The following GPC6 variants were observed in gnomAD, a reference collection of about 807,000 sequenced individuals.
GPC6 encodes the protein glypican-6.
A neutral mutation model predicts 55.2 loss-of-function variants in GPC6; 14 were observed. The observed-to-expected ratio is 0.25, with a 90% confidence interval of 0.17 to 0.40. The LOEUF is 0.40. GPC6 is among the 10% of genes least tolerant of loss of function. The pLI is 1.00. For synonymous variants in GPC6, 278 were observed against 259.6 expected (o/e 1.07, Z -0.68); for missense variants, 641 against 708.5 (o/e 0.90, Z 1.08).
intron 4 of GPC6, among the ~76,000 whole-genome samples, chr13:94,109,953 T>C (rs1179609187): frequency 6.6e-6 from 1 of 151,358 alleles, no homozygotes; most frequent in Non-Finnish European, 1.5e-5. Flanking sequence ...TTGATGGATA[T>C]ATTGGGACCT....
intron 5 of GPC6, among the ~76,000 whole-genome samples, chr13:94,303,876 C>T (rs1157141937): frequency 6.6e-6 from 1 of 151,650 alleles, no homozygotes. Flanking sequence ...TTTGATTTAA[C>T]TTAACCCAGT....
intron 1 of GPC6, among the ~76,000 whole-genome samples, chr13:93,235,952 T>A (rs996416975): frequency 1.6e-4 from 24 of 152,132 alleles, no homozygotes; most frequent in Admixed American, 1.1e-3. Context: ...CACCTCCAAA[T>A]AAACACAAGA....
chr13:93,266,406 A>G (rs1877327186), intron 1 of GPC6, among the ~76,000 whole-genome samples: 1 of 152,226 alleles, frequency 6.6e-6, no homozygotes, highest in African/African-American at 2.4e-5. Context: ...ATTTGATCAT[A>G]GGAATCAAGA....
intron 1 of GPC6, among the ~76,000 whole-genome samples, chr13:93,515,261 G>T (rs1489536093): frequency 2.0e-5 from 3 of 152,066 alleles, no homozygotes; most frequent in African/African-American, 7.2e-5. Context: ...TCAGCCTCCA[G>T]AACTTTAAGA....
intron 1 of GPC6, among the ~76,000 whole-genome samples, chr13:93,229,707 G>A (rs565808172): frequency 5.6e-4 from 84 of 151,228 alleles, no homozygotes; most frequent in African/African-American, 1.8e-3. Context: ...TTTCTAAAAT[G>A]TGTGCACTTT....
intron 1 of GPC6, among the ~76,000 whole-genome samples, chr13:93,285,651 T>A (rs1411013439): frequency 1.3e-5 from 2 of 151,734 alleles, no homozygotes; most frequent in Non-Finnish European, 2.9e-5. Flanking sequence ...TGTGTGTGTG[T>A]GTGTGTGTGT....
intron 2 of GPC6, among the ~76,000 whole-genome samples, chr13:93,691,117 A>C (rs1221736379): frequency 6.6e-6 from 1 of 152,172 alleles, no homozygotes; most frequent in Non-Finnish European, 1.5e-5. Context: ...GAACACAGTA[A>C]GATTTTAAAT....
At chr13:93,237,627 A>G (rs1270069502) in intron 1 of GPC6, among the ~76,000 whole-genome samples, 3 of 152,168 alleles carry the variant, frequency 2.0e-5, no homozygotes, top group Non-Finnish European at 2.9e-5. Context: ...AGTCTTAGTC[A>G]TAAATTCTTT....
In GPC6 at chr13:93,276,396, G is replaced by A. The variant is rs1594067730; in HGVS notation, c.160+48780G>A. On this transcript the variant is annotated intron_variant, in intron 1 of 8. Coordinates refer to ENST00000377047, the MANE Select transcript of GPC6 (RefSeq NM_005708.5). ...CAAGGATCCCTTTTAACTCTGATGT[G>A]AAGTACTTTGAGTTTAGTCAGGAGC... 3.3e-5 allele frequency among the ~76,000 whole-genome samples: 5 copies of A among 151,790 alleles called. No homozygotes were observed. In the South Asian group the frequency reaches 1.0e-3, roughly 32 times the overall value.
At chr13:93,735,217 C>A (rs1417412958) in intron 2 of GPC6, among the ~76,000 whole-genome samples, 1 of 152,032 alleles carries the variant, frequency 6.6e-6, no homozygotes, top group East Asian at 1.9e-4. Context: ...GTTTCTGTAC[C>A]CAGGACTCCA....
At chr13:93,662,367 C>T (rs1056888703) in intron 2 of GPC6, among the ~76,000 whole-genome samples, 36 of 152,094 alleles carry the variant, frequency 2.4e-4, no homozygotes, top group Admixed American at 2.1e-3. Flanking sequence ...TGGTGGCTCA[C>T]GCCTGTAATC....
At chr13:94,178,063 G>A (rs1384667852) in intron 4 of GPC6, among the ~76,000 whole-genome samples, 2 of 133,318 alleles carry the variant, frequency 1.5e-5, no homozygotes, top group African/African-American at 6.5e-5. Flanking sequence ...CTGTCGCCCA[G>A]GCTGGAGTGC....
intron 4 of GPC6, among the ~76,000 whole-genome samples, chr13:94,211,737 A>C (rs770814686): frequency 6.6e-6 from 1 of 152,232 alleles, no homozygotes; most frequent in African/African-American, 2.4e-5. Flanking sequence ...CTTTGGCTTA[A>C]AGACCACAAG....
chr13:93,484,988 T>C (rs925909028), intron 1 of GPC6, among the ~76,000 whole-genome samples: 3 of 152,170 alleles, frequency 2.0e-5, no homozygotes, highest in African/African-American at 7.2e-5. Context: ...TTTCTTATAG[T>C]TTCCAAGTCA....
chr13:94,110,593 T>A (rs914307246), intron 4 of GPC6, among the ~76,000 whole-genome samples: 3 of 151,962 alleles, frequency 2.0e-5, no homozygotes, highest in African/African-American at 7.2e-5. Context: ...ATTTTTGAGG[T>A]GTATGTGGCT....
At chr13:94,318,526 T>C (rs1304375533) in intron 6 of GPC6, among the ~76,000 whole-genome samples, 1 of 152,050 alleles carries the variant, frequency 6.6e-6, no homozygotes, top group Non-Finnish European at 1.5e-5. Context: ...TATCTTATTG[T>C]GTAATACTCA....
chr13:93,391,730 T>C (rs1228728950), intron 1 of GPC6, among the ~76,000 whole-genome samples: 1 of 152,208 alleles, frequency 6.6e-6, no homozygotes, highest in Non-Finnish European at 1.5e-5. Flanking sequence ...TTCTTTTTCT[T>C]AGCTTTTAAG....
chr13:94,201,601 C>T (rs1594051967), intron 4 of GPC6, among the ~76,000 whole-genome samples: 1 of 152,184 alleles, frequency 6.6e-6, no homozygotes, highest in East Asian at 1.9e-4. Flanking sequence ...CACCTAAATA[C>T]TTGCATTTGG....
intron 1 of GPC6, among the ~76,000 whole-genome samples, chr13:93,237,802 G>A (rs573762222): frequency 2.0e-5 from 3 of 152,142 alleles, no homozygotes; most frequent in East Asian, 3.9e-4. Flanking sequence ...AGTTTTCTCA[G>A]GACCATTTGT....
Sources: gnomAD v4.1 joint callset for allele counts (sites outside exome capture counted in the v4.1 genomes callset) on GRCh38, gnomAD v4.1.1 for gene constraint, MANE v1.5 for transcripts, NCBI Gene and HGNC (gene_info 2026-07-23, HGNC 2026-07-21) for gene names.